ARID4B: variants seen among roughly 807,000 people sequenced by gnomAD.
ARID4B encodes AT-rich interactive domain-containing protein 4B.
In ARID4B, 26 loss-of-function variants were observed where a neutral mutation model predicts 147.5. That is an observed-to-expected ratio of 0.18 (90% confidence interval 0.13 to 0.24). ARID4B has a LOEUF of 0.24. Among genes scored for constraint, ARID4B ranks in the 10% least tolerant of loss-of-function variants. The pLI is 1.00. For synonymous variants in ARID4B, 512 were observed against 507.9 expected (o/e 1.01, Z -0.11); for missense variants, 1,179 against 1,511.5 (o/e 0.78, Z 3.65).
chr1:235,234,028 G>A (rs1004086330), intron 9 of ARID4B, among the ~76,000 whole-genome samples: 26 of 152,010 alleles, frequency 1.7e-4, no homozygotes, highest in African/African-American at 4.8e-4. Flanking sequence ...GCAGTGAGCC[G>A]AAACTGCACC....
chr1:235,296,545 C>T (rs1672721412), intron 2 of ARID4B, among the ~76,000 whole-genome samples: 2 of 151,746 alleles, frequency 1.3e-5, no homozygotes, highest in South Asian at 4.2e-4. Context: ...AATCTCAACT[C>T]ACTGCAGCCT....
At chr1:235,300,928 G>A (rs1673081161) in intron 2 of ARID4B, among the ~76,000 whole-genome samples, 1 of 151,984 alleles carries the variant, frequency 6.6e-6, no homozygotes, top group Admixed American at 6.5e-5. Flanking sequence ...TATTGGCCAG[G>A]ATGGTCTCAA....
chr1:235,188,009 A>G (rs1419795190), intron 19 of ARID4B, among the ~76,000 whole-genome samples: 2 of 152,122 alleles, frequency 1.3e-5, no homozygotes, highest in East Asian at 3.8e-4. Flanking sequence ...ACCACTAAGT[A>G]GGGGAAAAAA....
At chr1:235,245,458 T>C (rs1669240939) in intron 7 of ARID4B, among the ~76,000 whole-genome samples, 1 of 152,104 alleles carries the variant, frequency 6.6e-6, no homozygotes, top group Non-Finnish European at 1.5e-5. Flanking sequence ...GTGTATAAAA[T>C]CGTAAAAATA....
chr1:235,268,974 T>A (rs1391902516), intron 2 of ARID4B, among the ~76,000 whole-genome samples: 1 of 152,136 alleles, frequency 6.6e-6, no homozygotes. Flanking sequence ...CTCTTACTGG[T>A]CAAATGGGGG....
chr1:235,317,125 T>C (rs1259328015), intron 2 of ARID4B, among the ~76,000 whole-genome samples: 1 of 152,220 alleles, frequency 6.6e-6, no homozygotes, highest in Admixed American at 6.5e-5. Context: ...TAAAAATTTT[T>C]TTCTGATTCT....
At chr1:235,297,174 G>C (rs1004527591) in intron 2 of ARID4B, among the ~76,000 whole-genome samples, 1 of 151,944 alleles carries the variant, frequency 6.6e-6, no homozygotes, top group Admixed American at 6.6e-5. Context: ...AAAGAACACA[G>C]GAACCCATCT....
intron 2 of ARID4B, among the ~76,000 whole-genome samples, chr1:235,273,577 T>C (rs1351333498): frequency 4.6e-5 from 7 of 152,218 alleles, no homozygotes; most frequent in Non-Finnish European, 8.8e-5. Flanking sequence ...TGTTAAAATG[T>C]AGAAAATGTA....
At chr1:235,326,041 T>C (rs1015472027) in intron 2 of ARID4B, among the ~76,000 whole-genome samples, 2 of 152,162 alleles carry the variant, frequency 1.3e-5, no homozygotes, top group Non-Finnish European at 2.9e-5. Flanking sequence ...TCTACCCTTT[T>C]CAAGCACTTC....
At chr1:235,245,587 C>A (rs1208470891) in intron 7 of ARID4B, among the ~76,000 whole-genome samples, 1 of 151,910 alleles carries the variant, frequency 6.6e-6, no homozygotes, top group African/African-American at 2.4e-5. Context: ...AATAATTCAG[C>A]AAGAACCAGT....
chr1:235,217,113 TTA>T (rs1050963559), intron 16 of ARID4B, among the ~76,000 whole-genome samples: 1 of 152,144 alleles, frequency 6.6e-6, no homozygotes, highest in Non-Finnish European at 1.5e-5. Context: ...CAACACTCTT[TTA>T]TTAATGAAAT....
intron 17 of ARID4B, among the ~76,000 whole-genome samples, chr1:235,211,797 G>T (rs1666736070): frequency 6.6e-6 from 1 of 152,158 alleles, no homozygotes; most frequent in South Asian, 2.1e-4. Flanking sequence ...GGCAGAAGTA[G>T]AACTCCCTCT....
intron 2 of ARID4B, among the ~76,000 whole-genome samples, chr1:235,290,147 T>C (rs1672246732): frequency 6.6e-6 from 1 of 152,248 alleles, no homozygotes; most frequent in Non-Finnish European, 1.5e-5. Context: ...AGCCTTCATA[T>C]TGCTGCTGAG....
intron 2 of ARID4B, among the ~76,000 whole-genome samples, chr1:235,265,025 A>T (rs1414648227): frequency 1.4e-5 from 2 of 146,562 alleles, no homozygotes; most frequent in Non-Finnish European, 3.0e-5. Flanking sequence ...ATGCCGTTGC[A>T]CTCCAGCCTG....
Position 235,246,458 on chromosome 1 carries a change from T to G in ARID4B, c.408A>C (p.Ile136=). The change falls in exon 7 of 24, where the codon ATA becomes ATC. Residue 136 remains isoleucine, a synonymous_variant. Transcript: ENST00000264183. The stretch of plus-strand genomic sequence containing the variant: ...TTCTTCCTCTATTTGTTTTCTTTCC[T>G]ATGACTGGAGTGCCAAAATGCTCAG... ...TNPEHFGTPV[I]GKKTNRGRRS... 6.2e-7 allele frequency: 1 copy of G among 1,613,764 alleles called. No individual in the cohort carries two copies. Among genetic ancestry groups the G allele is most frequent in the Non-Finnish European group, 8.5e-7 (1 of 1,179,658 alleles).
intron 9 of ARID4B, among the ~76,000 whole-genome samples, chr1:235,233,077 C>A (rs1050095036): frequency 2.0e-5 from 3 of 152,086 alleles, no homozygotes; most frequent in Non-Finnish European, 2.9e-5. Flanking sequence ...ACCTCATGAT[C>A]CCACCTGCCT....
At chr1:235,255,265 A>AGATCTATCTATC (rs1239708915) in intron 5 of ARID4B, among the ~76,000 whole-genome samples, 1 of 64,582 alleles carries the variant, frequency 1.5e-5, no homozygotes, top group African/African-American at 6.9e-5. Context: ...ATAGATAGAT[A>AGATCTATCTATC]TATATCTCTC....
At chr1:235,236,148 T>C (rs1043576527) in intron 8 of ARID4B, among the ~76,000 whole-genome samples, 2 of 152,064 alleles carry the variant, frequency 1.3e-5, no homozygotes, top group Non-Finnish European at 2.9e-5. Context: ...TTTATAAAAA[T>C]AACATAAATT....
intron 2 of ARID4B, among the ~76,000 whole-genome samples, chr1:235,295,622 C>T (rs769335348): frequency 4.0e-5 from 6 of 151,100 alleles, no homozygotes; most frequent in Non-Finnish European, 5.9e-5. Context: ...TCAGCCTGGC[C>T]AATATAGTGA....
Sources: allele counts gnomAD v4.1 joint callset (sites outside exome capture counted in the v4.1 genomes callset), GRCh38; gene constraint gnomAD v4.1.1; transcripts MANE v1.5; gene names NCBI Gene and HGNC (gene_info 2026-07-23, HGNC 2026-07-21).